Variants in ARL6IP5 observed in about 807,000 individuals in gnomAD.
The protein encoded by ARL6IP5 is PRA1 family protein 3.
ARL6IP5 carries 6 observed loss-of-function variants against 13.0 expected under a neutral mutation model. The observed-to-expected ratio is 0.46, with a 90% CI of 0.25 to 0.91. The LOEUF is 0.91. Among genes scored for constraint, ARL6IP5 ranks in the 40% least tolerant of loss-of-function variants. The pLI is 0.17. For synonymous variants in ARL6IP5, 91 were observed against 91.9 expected (o/e 0.99, Z 0.06); for missense variants, 208 against 248.8 (o/e 0.84, Z 1.10).
At chr3:69,099,331 A>G (rs1247694955) in intron 1 of ARL6IP5, among the ~76,000 whole-genome samples, 2 of 152,172 alleles carry the variant, frequency 1.3e-5, no homozygotes, top group African/African-American at 4.8e-5. Context: ...AGATCGCGCC[A>G]TTGTACTCCA....
chr3:69,105,145 C>G lies in ARL6IP5; in HGVS notation c.*509C>G, dbSNP rs987820186. 2.0e-5 allele frequency: 8 copies of G among 402,396 alleles called. No individual in the cohort carries two copies. Among genetic ancestry groups the G allele is most frequent in the Admixed American group, 4.2e-5 (1 of 23,830 alleles). The allele number at this position is 402,396 out of a possible 1,614,324, so 24.9% of individuals were successfully genotyped here. On this transcript the variant is annotated 3_prime_UTR_variant, in exon 3 of 3. Transcript: ENST00000273258. ...AAGATGATCTCTATCACTTTGCCAC[C>G]TGTTTGATGTGCAGTGGAAACTGGT...
intron 1 of ARL6IP5, chr3:69,089,754 C>T: frequency 4.4e-6 from 2 of 455,494 alleles, no homozygotes; most frequent in Admixed American, 2.4e-5. Context: ...TCTGCTGCTT[C>T]TCCAGCAAGA....
intron 1 of ARL6IP5, among the ~76,000 whole-genome samples, chr3:69,095,964 T>C (rs1362105293): frequency 2.6e-5 from 4 of 152,226 alleles, no homozygotes; most frequent in Non-Finnish European, 5.9e-5. Context: ...CTAAAAAGCA[T>C]CTCAGGCAAG....
chr3:69,096,597 CTTTTTTT>C (rs11291168), intron 1 of ARL6IP5, among the ~76,000 whole-genome samples: 102 of 69,586 alleles, frequency 1.5e-3, no homozygotes, highest in Middle Eastern at 0.014. Context: ...TTTTGCTTTG[CTTTTTTT>C]TTTTTTTTTT....
rs2107517184 is a variant in ARL6IP5 at position 69,105,855 on chromosome 3, GA to G, written c.*1221del. 2 of 152,284 alleles carry G rather than the reference GA, an allele frequency of 1.3e-5. No individual in the cohort carries two copies. The highest frequency in any genetic ancestry group is 3.9e-4 in the East Asian group (2 of 5,172). 9.4% of individuals were successfully genotyped at this position (152,284 alleles called of 1,614,324 possible). ...TTAGGTTTCTGTAGCATTAAATTGTGAAGACAACTGGAGTGGTACTTACTGA... is the reference window on the plus strand; with the variant it reads ...TTAGGTTTCTGTAGCATTAAATTGTGAGACAACTGGAGTGGTACTTACTGA... On this transcript the variant is annotated 3_prime_UTR_variant, in exon 3 of 3. Coordinates refer to ENST00000273258, the MANE Select transcript of ARL6IP5 (RefSeq NM_006407.4).
At chr3:69,097,337 GTGT>G (rs1400788667) in intron 1 of ARL6IP5, among the ~76,000 whole-genome samples, 1 of 147,150 alleles carries the variant, frequency 6.8e-6, no homozygotes, top group Admixed American at 6.8e-5. Flanking sequence ...TTTTTGTGGG[GTGT>G]TTTTTTTTTT....
intron 1 of ARL6IP5, 145 bp from the exon 2 acceptor site, chr3:69,101,694 A>C: frequency 1.4e-6 from 1 of 727,298 alleles, no homozygotes; most frequent in South Asian, 1.9e-5. Flanking sequence ...CTCCTTTATA[A>C]GGTTATGAGA....
chr3:69,102,625 G>A (rs1233279470), intron 2 of ARL6IP5, among the ~76,000 whole-genome samples: 2 of 152,198 alleles, frequency 1.3e-5, no homozygotes, highest in African/African-American at 4.8e-5. Flanking sequence ...AGGTCATACA[G>A]CAGGAATGTG....
intron 1 of ARL6IP5, among the ~76,000 whole-genome samples, chr3:69,093,828 G>A (rs1252207449): frequency 1.3e-5 from 2 of 152,050 alleles, no homozygotes; most frequent in Non-Finnish European, 2.9e-5. Context: ...GCACTCACCT[G>A]TAGTCTGTAG....
intron 2 of ARL6IP5, 163 bp downstream of exon 2, chr3:69,102,219 A>G (rs17005353): frequency 0.023 from 16,612 of 706,898 alleles, 288 homozygotes; most frequent in East Asian, 0.041. Flanking sequence ...CCCAGATAAC[A>G]CAGAACTGAG....
At chr3:69,089,121 A>G (rs980897960) in intron 1 of ARL6IP5, among the ~76,000 whole-genome samples, 2 of 152,228 alleles carry the variant, frequency 1.3e-5, no homozygotes, top group Non-Finnish European at 2.9e-5. Context: ...TCATAGGTAC[A>G]TTAAAATCTG....
At chr3:69,091,095 G>C (rs917880733) in intron 1 of ARL6IP5, among the ~76,000 whole-genome samples, 1 of 152,192 alleles carries the variant, frequency 6.6e-6, no homozygotes, top group Non-Finnish European at 1.5e-5. Flanking sequence ...CTACTTGGGA[G>C]GCTGAGGTGG....
chr3:69,102,253 C>T, intron 2 of ARL6IP5, 197 bp downstream of exon 2: 1 of 605,658 alleles, frequency 1.7e-6, no homozygotes, highest in African/African-American at 1.9e-5. Context: ...AGGTCAAGGC[C>T]TTATAGTTCA....
chr3:69,104,750 T>TAATGG lies in ARL6IP5; in HGVS notation c.*114_*115insAATGG. On this transcript the variant is annotated 3_prime_UTR_variant, in exon 3 of 3. Transcript: ENST00000273258. ...AGGAGGTGCACGTACCACCCAATTA[T>TAATGG]CTATGGCAGCATGCATGTATAGGCC... The TAATGG allele has an allele frequency of 1.7e-6, 2 of 1,179,614 alleles. No homozygotes were observed. Among genetic ancestry groups the TAATGG allele is most frequent in the African/African-American group, 1.5e-5 (1 of 65,006 alleles). The allele number at this position is 1,179,614 out of a possible 1,614,324, so 73.1% of individuals were successfully genotyped here.
At chr3:69,091,283 G>A (rs2092265097) in intron 1 of ARL6IP5, among the ~76,000 whole-genome samples, 1 of 152,108 alleles carries the variant, frequency 6.6e-6, no homozygotes, top group Non-Finnish European at 1.5e-5. Flanking sequence ...GTATATGTGT[G>A]TGTATATACA....
intron 1 of ARL6IP5, chr3:69,099,927 T>C (rs2092300104): frequency 6.5e-6 from 1 of 152,824 alleles, no homozygotes; most frequent in Non-Finnish European, 1.5e-5. Context: ...AAATTTCTTC[T>C]TCTTATTATC....
At chr3:69,098,644 GC>G (rs745507466) in intron 1 of ARL6IP5, among the ~76,000 whole-genome samples, 3 of 152,066 alleles carry the variant, frequency 2.0e-5, no homozygotes, top group Non-Finnish European at 4.4e-5. Context: ...ACCCACCTTG[GC>G]CCCCACAAAG....
chr3:69,093,207 A>G (rs926399289), intron 1 of ARL6IP5, among the ~76,000 whole-genome samples: 11 of 152,206 alleles, frequency 7.2e-5, no homozygotes, highest in Non-Finnish European at 7.3e-5. Context: ...TTAACATGCC[A>G]ACTGTTAAAA....
In ARL6IP5 at chr3:69,085,161, C is replaced by T. The variant is rs2092243618; in HGVS notation, c.114C>T (p.Ser38=). 2.5e-6 allele frequency: 4 copies of T among 1,614,112 alleles called. No individual in the cohort carries two copies. Among genetic ancestry groups the T allele is most frequent in the South Asian group, 1.1e-5 (1 of 91,094 alleles). Residue 38 remains serine, a synonymous_variant, in exon 1 of 3, where the codon AGC becomes AGT. Coordinates refer to ENST00000273258, the MANE Select transcript of ARL6IP5 (RefSeq NM_006407.4). The stretch of plus-strand genomic sequence containing the variant: ...CCAAATGGAACAACCGCGTAGTGAG[C>T]AACCTGCTCTATTACCAGACCAACT... ...DISKWNNRVV[S]NLLYYQTNYL...
Sources: allele counts gnomAD v4.1 joint callset (sites outside exome capture counted in the v4.1 genomes callset), GRCh38; gene constraint gnomAD v4.1.1; transcripts MANE v1.5; gene names NCBI Gene and HGNC (gene_info 2026-07-23, HGNC 2026-07-21).